NRG3: variants seen among roughly 807,000 people sequenced by gnomAD.
NRG3 encodes the protein neuregulin 3.
A neutral mutation model predicts 66.9 loss-of-function variants in NRG3; 31 were observed. That is an observed-to-expected ratio of 0.46 (90% CI 0.35 to 0.63). The LOEUF is 0.63. Among genes scored for constraint, NRG3 ranks in the 20% least tolerant of loss-of-function variants. The pLI is 0.00. For synonymous variants in NRG3, 393 were observed against 359.4 expected (o/e 1.09, Z -1.06); for missense variants, 910 against 878.9 (o/e 1.04, Z -0.45).
At chr10:82,089,757 T>C (rs1044263701) in intron 1 of NRG3, among the ~76,000 whole-genome samples, 4 of 152,234 alleles carry the variant, frequency 2.6e-5, no homozygotes, top group African/African-American at 9.6e-5. Flanking sequence ...AAAGATATTA[T>C]GCAAAGTTGA....
intron 1 of NRG3, among the ~76,000 whole-genome samples, chr10:82,158,440 T>C (rs2071338205): frequency 6.6e-6 from 1 of 151,824 alleles, no homozygotes; most frequent in African/African-American, 2.4e-5. Flanking sequence ...TGTATGTCTA[T>C]GTCTGTGTCT....
Position 82,485,563 on chromosome 10 carries a change from G to A in NRG3, c.953+126695G>A, listed in dbSNP as rs975934350. Among the ~76,000 whole-genome samples, 12 of 151,042 alleles carry A rather than the reference G, an allele frequency of 7.9e-5. No individual in the cohort carries two copies. The East Asian group carries it at 2.3e-3, about 29-fold the overall frequency. On this transcript the variant is annotated intron_variant, in intron 2 of 8. Transcript: ENST00000372141. ...TTTGTAAAAAATGTAACAATTACCT[G>A]AAGATCTCATATGAGATATTTTGCA...
chr10:82,335,623 G>T (rs757534083), intron 1 of NRG3, among the ~76,000 whole-genome samples: 4 of 151,652 alleles, frequency 2.6e-5, no homozygotes, highest in Non-Finnish European at 5.9e-5. Context: ...CTTCATCCTG[G>T]GCAACAAAGC....
chr10:82,367,383 T>C (rs1160773905), intron 2 of NRG3, among the ~76,000 whole-genome samples: 4 of 152,170 alleles, frequency 2.6e-5, no homozygotes, highest in Non-Finnish European at 4.4e-5. Flanking sequence ...CTAAAACACC[T>C]TGAAAATTAC....
chr10:82,228,079 C>A (rs1262146061), intron 1 of NRG3, among the ~76,000 whole-genome samples: 1 of 152,142 alleles, frequency 6.6e-6, no homozygotes, highest in Non-Finnish European at 1.5e-5. Flanking sequence ...TCAACAGGGC[C>A]TTCCTCACAT....
chr10:82,961,606 G>C (rs1850646033), intron 6 of NRG3, among the ~76,000 whole-genome samples: 1 of 152,208 alleles, frequency 6.6e-6, no homozygotes, highest in South Asian at 2.1e-4. Context: ...AGACACTTTG[G>C]CTATTGCATG....
chr10:82,105,857 A>G (rs1489680646), intron 1 of NRG3, among the ~76,000 whole-genome samples: 4 of 152,134 alleles, frequency 2.6e-5, no homozygotes, highest in African/African-American at 9.7e-5. Flanking sequence ...TTCCACGAAT[A>G]CTGCAGATAT....
intron 1 of NRG3, among the ~76,000 whole-genome samples, chr10:81,976,422 A>G (rs1407007212): frequency 1.3e-5 from 2 of 152,116 alleles, no homozygotes; most frequent in Non-Finnish European, 2.9e-5. Flanking sequence ...TATGTAACAG[A>G]CTTTATGCTA....
intron 1 of NRG3, among the ~76,000 whole-genome samples, chr10:81,930,951 A>G (rs193271806): frequency 5.7e-4 from 87 of 152,280 alleles, no homozygotes; most frequent in Admixed American, 1.7e-3. Flanking sequence ...TTTGTAAAAA[A>G]CAGGCTGAAA....
intron 1 of NRG3, among the ~76,000 whole-genome samples, chr10:82,071,258 A>G (rs1446172433): frequency 6.6e-6 from 1 of 152,210 alleles, no homozygotes; most frequent in Non-Finnish European, 1.5e-5. Context: ...CAAATGATTC[A>G]ATGACAATGA....
At chr10:82,035,598 G>T (rs1423152325) in intron 1 of NRG3, among the ~76,000 whole-genome samples, 4 of 151,978 alleles carry the variant, frequency 2.6e-5, no homozygotes, top group Admixed American at 6.6e-5. Flanking sequence ...CACCATGTAT[G>T]AATCTATCCA....
At chr10:82,040,252 G>T in intron 1 of NRG3, among the ~76,000 whole-genome samples, 1 of 152,028 alleles carries the variant, frequency 6.6e-6, no homozygotes, top group East Asian at 1.9e-4. Flanking sequence ...TCCAATGGAG[G>T]AACTTTCAGT....
At chr10:82,665,764 A>G (rs980762787) in intron 2 of NRG3, among the ~76,000 whole-genome samples, 2 of 152,024 alleles carry the variant, frequency 1.3e-5, no homozygotes, top group Admixed American at 6.5e-5. Context: ...TTCACATGAA[A>G]TCTCAACAAT....
At chr10:82,305,196 C>T (rs567128782) in intron 1 of NRG3, among the ~76,000 whole-genome samples, 5 of 151,880 alleles carry the variant, frequency 3.3e-5, no homozygotes, top group East Asian at 3.9e-4. Flanking sequence ...GGGGTTTCAC[C>T]GTGCTAGCCA....
intron 1 of NRG3, among the ~76,000 whole-genome samples, chr10:82,187,553 G>T (rs947892667): frequency 6.6e-6 from 1 of 152,144 alleles, no homozygotes; most frequent in African/African-American, 2.4e-5. Flanking sequence ...AGAGTGAGAA[G>T]GATAAAACCC....
chr10:82,619,507 T>G (rs992423638), intron 2 of NRG3, among the ~76,000 whole-genome samples: 1 of 152,150 alleles, frequency 6.6e-6, no homozygotes, highest in African/African-American at 2.4e-5. Context: ...AAATGTGAAA[T>G]TTCTCAATTT....
chr10:82,972,019 T>A (rs1220913479), intron 6 of NRG3, among the ~76,000 whole-genome samples: 1 of 152,164 alleles, frequency 6.6e-6, no homozygotes, highest in Non-Finnish European at 1.5e-5. Flanking sequence ...AGTGTATGAA[T>A]CTGTCTTTTA....
At chr10:82,633,242 G>T (rs1296181976) in intron 2 of NRG3, among the ~76,000 whole-genome samples, 2 of 152,178 alleles carry the variant, frequency 1.3e-5, no homozygotes, top group African/African-American at 4.8e-5. Flanking sequence ...GTGGCAAGAG[G>T]TGTTGGGAAA....
chr10:82,088,003 A>G (rs1221950539), intron 1 of NRG3, among the ~76,000 whole-genome samples: 1 of 152,054 alleles, frequency 6.6e-6, no homozygotes, highest in Admixed American at 6.6e-5. Context: ...GGGTCTGGAG[A>G]GCCTGTCCTC....
Sources: gnomAD v4.1 joint callset for allele counts (sites outside exome capture counted in the v4.1 genomes callset) on GRCh38, gnomAD v4.1.1 for gene constraint, MANE v1.5 for transcripts, NCBI Gene and HGNC (gene_info 2026-07-23, HGNC 2026-07-21) for gene names.